The following CLASP1 variants were observed in gnomAD, a reference collection of about 807,000 sequenced individuals.
CLASP1 encodes cytoplasmic linker associated protein 1, also known as CLIP-associating protein 1.
CLASP1 carries 38 observed loss-of-function variants against 192.3 expected under a neutral mutation model. The ratio of observed to expected loss-of-function variants is 0.20; its 90% CI spans 0.15 to 0.26. The LOEUF is 0.26. Ranked by LOEUF, CLASP1 falls within the 10% of genes least tolerant of loss-of-function variation. CLASP1 has a pLI of 1.00. For missense variants in CLASP1, 1,433 were observed against 1,932.5 expected (o/e 0.74, Z 4.85); for synonymous variants, 691 against 712.8 (o/e 0.97, Z 0.49).
chr2:121,590,598 G>C (rs1196903904), intron 2 of CLASP1, among the ~76,000 whole-genome samples: 1 of 152,062 alleles, frequency 6.6e-6, no homozygotes, highest in Non-Finnish European at 1.5e-5. Context: ...AAAAGACTGA[G>C]TGATTTTAAT....
chr2:121,493,771 T>G (rs372389001), intron 8 of CLASP1, among the ~76,000 whole-genome samples: 1 of 151,950 alleles, frequency 6.6e-6, no homozygotes, highest in Non-Finnish European at 1.5e-5. Context: ...TAATTCAATT[T>G]AAAAGTAAGC....
intron 1 of CLASP1, among the ~76,000 whole-genome samples, chr2:121,642,686 T>C (rs1008991227): frequency 4.6e-5 from 7 of 152,042 alleles, no homozygotes; most frequent in African/African-American, 1.7e-4. Flanking sequence ...AAGCTGAGAT[T>C]GCGCCACTTC....
chr2:121,457,605 A>C, intron 14 of CLASP1, 82 bp downstream of exon 14: 1 of 1,074,172 alleles, frequency 9.3e-7, no homozygotes. Context: ...TATACATGAA[A>C]TTTTATCCAT....
At chr2:121,557,479 G>A (rs1465074701) in intron 2 of CLASP1, among the ~76,000 whole-genome samples, 1 of 151,872 alleles carries the variant, frequency 6.6e-6, no homozygotes, top group Non-Finnish European at 1.5e-5. Context: ...AGCTACCCAG[G>A]AGGCTGAGGC....
chr2:121,406,144 T>TA (rs1173611757), intron 25 of CLASP1, among the ~76,000 whole-genome samples: 5 of 152,372 alleles, frequency 3.3e-5, no homozygotes, highest in Non-Finnish European at 7.3e-5. Flanking sequence ...TGTTATGGTT[T>TA]AATACGTGGC....
Position 121,385,242 on chromosome 2 carries a change from T to C in CLASP1, c.3374+1880A>G, listed in dbSNP as rs556240801. Among the ~76,000 whole-genome samples, 5 of 152,378 alleles carry C rather than the reference T, an allele frequency of 3.3e-5. No individual in the cohort carries two copies. The South Asian group carries it at 8.3e-4, about 25-fold the overall frequency. On this transcript the variant is annotated intron_variant, in intron 32 of 39. Transcript: ENST00000263710. ...ACAGTTTTAGTTGCGAGAAAAATCA[T>C]TTCTTCTGTAAGCTCAAGTTGGCTA...
At chr2:121,611,993 TGGA>T (rs1481650457) in intron 1 of CLASP1, among the ~76,000 whole-genome samples, 1 of 130,526 alleles carries the variant, frequency 7.7e-6, no homozygotes, top group East Asian at 2.3e-4. Context: ...AAAGTGGAAC[TGGA>T]GGAGGAGGAG....
At chr2:121,440,096 T>TAAAAAAAAAAAAAAAAAAAAAAACA (rs535955256) in intron 19 of CLASP1, among the ~76,000 whole-genome samples, 1 of 106,788 alleles carries the variant, frequency 9.4e-6, no homozygotes, top group Non-Finnish European at 2.2e-5. Flanking sequence ...AAAAAAAAAC[T>TAAAAAAAAAAAAAAAAAAAAAAACA]AAAAAAAAAA....
At chr2:121,512,781 T>C (rs1219245071) in intron 7 of CLASP1, among the ~76,000 whole-genome samples, 2 of 152,240 alleles carry the variant, frequency 1.3e-5, no homozygotes, top group Non-Finnish European at 2.9e-5. Context: ...ATTTAGGTGA[T>C]CTCACTAAGG....
intron 8 of CLASP1, among the ~76,000 whole-genome samples, chr2:121,497,096 A>G (rs372415233): frequency 2.6e-5 from 4 of 152,354 alleles, no homozygotes; most frequent in South Asian, 4.1e-4. Context: ...AGTAAAGTGA[A>G]AAAAATGTAT....
At chr2:121,428,662 C>T (rs968913214) in intron 20 of CLASP1, among the ~76,000 whole-genome samples, 1 of 152,160 alleles carries the variant, frequency 6.6e-6, no homozygotes, top group Non-Finnish European at 1.5e-5. Flanking sequence ...TTGGTCTTAA[C>T]GGACTCAATC....
chr2:121,458,822 G>T lies in CLASP1; in HGVS notation c.1314+18C>A. ...TTTACCACTTGCTTATTTCAAGCAT[G>T]GCCTATAACATACTTACCCGAATAA... is the stretch of plus-strand genomic sequence containing the variant. On this transcript the variant is annotated intron_variant, in intron 13 of 39. Transcript: ENST00000263710. 1 of 1,556,876 alleles carries T rather than the reference G, an allele frequency of 6.4e-7. No individual in the cohort carries two copies. Among genetic ancestry groups the T allele is most frequent in the Non-Finnish European group, 8.7e-7 (1 of 1,150,788 alleles).
At chr2:121,477,066 C>T (rs751915468) in intron 8 of CLASP1, among the ~76,000 whole-genome samples, 2 of 152,202 alleles carry the variant, frequency 1.3e-5, no homozygotes, top group South Asian at 2.1e-4. Flanking sequence ...CTCTAACTTG[C>T]GTGTACCATT....
chr2:121,459,656 C>T (rs895047327), intron 12 of CLASP1: 2 of 207,090 alleles, frequency 9.7e-6, no homozygotes, highest in Admixed American at 1.1e-4. Flanking sequence ...GATAAACACG[C>T]TATTGCCTGC....
chr2:121,602,616 G>T (rs1163211052), intron 2 of CLASP1, among the ~76,000 whole-genome samples: 1 of 152,100 alleles, frequency 6.6e-6, no homozygotes, highest in African/African-American at 2.4e-5. Flanking sequence ...AGACACATAG[G>T]CCAATGGAAC....
At chr2:121,388,337 T>G (rs1051571499) in intron 30 of CLASP1, among the ~76,000 whole-genome samples, 2 of 152,192 alleles carry the variant, frequency 1.3e-5, no homozygotes, top group Non-Finnish European at 2.9e-5. Context: ...TAGGTTATCT[T>G]GTGAAGCCAT....
At chr2:121,492,389 CAAAA>C (rs761378692) in intron 8 of CLASP1, among the ~76,000 whole-genome samples, 1 of 37,912 alleles carries the variant, frequency 2.6e-5, no homozygotes, top group African/African-American at 1.2e-4. Flanking sequence ...ACTCCCTCTC[CAAAA>C]AAAAAAAAAA....
intron 1 of CLASP1, among the ~76,000 whole-genome samples, chr2:121,623,847 GAAAC>G (rs1175016522): frequency 4.6e-5 from 7 of 152,154 alleles, no homozygotes; most frequent in Non-Finnish European, 8.8e-5. Context: ...GACTCCATCT[GAAAC>G]AAACAAAAGA....
At chr2:121,624,334 T>C (rs2067911896) in intron 1 of CLASP1, among the ~76,000 whole-genome samples, 1 of 152,180 alleles carries the variant, frequency 6.6e-6, no homozygotes, top group Non-Finnish European at 1.5e-5. Context: ...TGATATATTC[T>C]TTGTTTTTCG....
Sources: gnomAD v4.1 joint callset for allele counts (sites outside exome capture counted in the v4.1 genomes callset) on GRCh38, gnomAD v4.1.1 for gene constraint, MANE v1.5 for transcripts, NCBI Gene and HGNC (gene_info 2026-07-23, HGNC 2026-07-21) for gene names.